The following SSB variants were observed in gnomAD, a reference collection of about 807,000 sequenced individuals.
SSB encodes the protein small RNA binding exonuclease protection factor La.
Under a neutral mutation model 52.9 loss-of-function variants are expected in SSB, and 17 were observed. The ratio of observed to expected loss-of-function variants is 0.32; its 90% confidence interval spans 0.22 to 0.48. The LOEUF (loss-of-function observed/expected upper bound fraction) is 0.48. SSB is among the 20% of genes least tolerant of loss of function. SSB has a pLI of 0.99. For missense variants in SSB, 314 were observed against 463.6 expected (o/e 0.68, Z 2.96); for synonymous variants, 111 against 152.1 (o/e 0.73, Z 1.99).
In SSB at chr2:169,812,043, T is replaced by C. The variant is rs567349632; in HGVS notation, c.*287T>C. 1.4e-6 allele frequency: 1 copy of C among 694,830 alleles called. No homozygotes were observed. The highest frequency in any genetic ancestry group is 2.4e-6 in the Non-Finnish European group (1 of 424,276). 43.0% of individuals were successfully genotyped at this position (694,830 alleles called of 1,614,324 possible). ...AGTACAAACTAACTAATAAAATATATACTATATGAAAAGAGCAAAAACAGT... is the reference window on the plus strand; with the variant it reads ...AGTACAAACTAACTAATAAAATATACACTATATGAAAAGAGCAAAAACAGT... On this transcript the variant is annotated 3_prime_UTR_variant, in exon 12 of 12. Coordinates refer to ENST00000260956, the MANE Select transcript of SSB (RefSeq NM_003142.5).
chr2:169,808,277 A>G (rs1451305326), intron 6 of SSB, among the ~76,000 whole-genome samples: 1 of 152,214 alleles, frequency 6.6e-6, no homozygotes, highest in Non-Finnish European at 1.5e-5. Context: ...TTTGTGGCAC[A>G]TGGATTTTTT....
chr2:169,804,936 A>G lies in SSB; in HGVS notation c.67-538A>G, dbSNP rs193240652. ...GCAGATCGCTTGAGATCAGGAGTTC[A>G]AGGCCAACATGGTAAAACCCTGTCT... On this transcript the variant is annotated intron_variant, in intron 2 of 11. Coordinates refer to ENST00000260956, the MANE Select transcript of SSB (RefSeq NM_003142.5). Among the ~76,000 whole-genome samples, 901 of 152,158 alleles carry G rather than the reference A, an allele frequency of 5.9e-3. 4 individuals carry two copies. Among genetic ancestry groups the G allele is most frequent in the African/African-American group, 0.021 (854 of 41,534 alleles).
Position 169,811,860 on chromosome 2 carries a change from T to A in SSB, c.*104T>A. ...AATTAGGTCCACTTCAATGTCCACCTGTGAGAAAGGAAAAATTTTTTTGTT... is the reference window on the plus strand; with the variant it reads ...AATTAGGTCCACTTCAATGTCCACCAGTGAGAAAGGAAAAATTTTTTTGTT... On this transcript the variant is annotated 3_prime_UTR_variant, in exon 12 of 12. Transcript: ENST00000260956. The A allele has an allele frequency of 6.2e-7, 1 of 1,612,010 alleles. No homozygotes were observed. The highest frequency in any genetic ancestry group is 1.3e-5 in the African/African-American group (1 of 74,962).
intron 2 of SSB, among the ~76,000 whole-genome samples, chr2:169,804,668 C>A (rs998793994): frequency 1.3e-5 from 2 of 152,030 alleles, no homozygotes; most frequent in African/African-American, 4.8e-5. Context: ...GCCCCAGCCC[C>A]CTGAGTAGCT....
At chr2:169,809,030 T>C in intron 8 of SSB, 128 bp downstream of exon 8, 4 of 758,092 alleles carry the variant, frequency 5.3e-6, no homozygotes, top group Non-Finnish European at 9.5e-6. Context: ...CATTAAGTAA[T>C]ACATCAGGTA....
At chr2:169,811,147 A>G in intron 10 of SSB, 36 bp from the exon 11 acceptor site, 1 of 1,594,484 alleles carries the variant, frequency 6.3e-7, no homozygotes, top group Non-Finnish European at 8.5e-7. Flanking sequence ...GACTTAAAAA[A>G]AGTTCTTTAC....
At chr2:169,805,599 T>C in intron 3 of SSB, 22 bp downstream of exon 3, 1 of 1,612,252 alleles carries the variant, frequency 6.2e-7, no homozygotes. Context: ...TTAAAAATAA[T>C]CTTTAGGTTT....
intron 6 of SSB, 145 bp from the exon 7 acceptor site, chr2:169,808,337 C>A: frequency 1.7e-6 from 1 of 582,454 alleles, no homozygotes; most frequent in Non-Finnish European, 3.0e-6. Context: ...AATTCCTTGG[C>A]ATATTTTGAA....
chr2:169,807,474 A>G (rs1441042786), intron 6 of SSB, among the ~76,000 whole-genome samples: 1 of 152,032 alleles, frequency 6.6e-6, no homozygotes, highest in East Asian at 1.9e-4. Context: ...TTTTTAGTAG[A>G]GATGGAGTTT....
At chr2:169,800,888 TTATC>T (rs1221087463) in intron 1 of SSB, 60 bp from the exon 2 acceptor site, 1 of 1,247,260 alleles carries the variant, frequency 8.0e-7, no homozygotes, top group Admixed American at 2.5e-5. Flanking sequence ...TTTGTAAACA[TTATC>T]TTTCTATTCT....
At position 169,801,168 on chromosome 2, in the gene SSB, A is replaced by G. The variant is rs916436665; in HGVS notation, c.66+142A>G. 3.6e-5 allele frequency: 20 copies of G among 551,390 alleles called. No homozygotes were observed. In the African/African-American group the frequency reaches 3.7e-4, roughly 10 times the overall value. 34.2% of individuals were successfully genotyped at this position (551,390 alleles called of 1,614,324 possible). ...TGAACATATAATAGCATACAGTTTT[A>G]TATTGGTGGAGCCAGGTTGTGAAAC... On this transcript the variant is annotated intron_variant, in intron 2 of 11. Coordinates refer to ENST00000260956, the MANE Select transcript of SSB (RefSeq NM_003142.5).
At chr2:169,810,622 GTTA>G in intron 9 of SSB, 199 bp downstream of exon 9, 1 of 672,590 alleles carries the variant, frequency 1.5e-6, no homozygotes, top group Non-Finnish European at 2.5e-6. Context: ...TTACTTTGTT[GTTA>G]TTGTCACTAT....
chr2:169,807,003 A>G lies in SSB; in HGVS notation c.486A>G (p.Glu162=), dbSNP rs1239888188. 1.2e-6 allele frequency: 2 copies of G among 1,614,024 alleles called. No individual in the cohort carries two copies. The highest frequency in any genetic ancestry group is 1.7e-6 in the Non-Finnish European group (2 of 1,179,942). ...TTTTTGTTGTGTTTGATAGCATTGA[A>G]TCTGCTAAGAAATTTGTAGAGACCC... The part of the protein sequence containing the change: ...GSIFVVFDSI[E]SAKKFVETPG... Residue 162 remains glutamate, a synonymous_variant, in exon 6 of 12, where the codon GAA becomes GAG. Coordinates refer to ENST00000260956, the MANE Select transcript of SSB (RefSeq NM_003142.5).
intron 6 of SSB, among the ~76,000 whole-genome samples, chr2:169,807,956 A>T (rs1042479995): frequency 5.9e-5 from 9 of 152,022 alleles, no homozygotes; most frequent in African/African-American, 2.2e-4. Context: ...ATGCACTGTG[A>T]TGGGTCATAG....
chr2:169,806,657 C>A, intron 4 of SSB, 128 bp from the exon 5 acceptor site: 1 of 707,852 alleles, frequency 1.4e-6, no homozygotes. Context: ...AAGTGATTAA[C>A]AAAGAGAAAT....
In SSB at chr2:169,811,813, G is replaced by A. The variant is rs373020457; in HGVS notation, c.*57G>A. On this transcript the variant is annotated 3_prime_UTR_variant, in exon 12 of 12. Transcript: ENST00000260956. ...TAGGTTTTAAACGACTTTTGTTTGC[G>A]GGGCTTTTAAAAGGAAAACCGAATT... The A allele has an allele frequency of 3.9e-4, 628 of 1,613,450 alleles. No individual in the cohort carries two copies. Among genetic ancestry groups the A allele is most frequent in the Non-Finnish European group, 5.1e-4 (600 of 1,179,758 alleles).
At chr2:169,808,806 T>G (rs1452119705) in intron 7 of SSB, 54 bp from the exon 8 acceptor site, 1 of 1,378,156 alleles carries the variant, frequency 7.3e-7, no homozygotes, top group East Asian at 2.4e-5. Context: ...TATTAGGACT[T>G]AATTTTCTTA....
At chr2:169,801,272 C>G (rs550970006) in intron 2 of SSB, among the ~76,000 whole-genome samples, 1 of 151,986 alleles carries the variant, frequency 6.6e-6, no homozygotes, top group Non-Finnish European at 1.5e-5. Flanking sequence ...GTTTCATAGT[C>G]TCATATAAAA....
chr2:169,800,529 C>A (rs1452852416), intron 1 of SSB, among the ~76,000 whole-genome samples: 1 of 17,166 alleles, frequency 5.8e-5, no homozygotes, highest in Non-Finnish European at 1.2e-4. Context: ...AGCGAGACTC[C>A]GTCTCAAAAA....
Sources: allele counts gnomAD v4.1 joint callset (sites outside exome capture counted in the v4.1 genomes callset), GRCh38; gene constraint gnomAD v4.1.1; transcripts MANE v1.5; gene names NCBI Gene and HGNC (gene_info 2026-07-23, HGNC 2026-07-21).